The following LIN37 variants were observed in gnomAD, a reference collection of about 807,000 sequenced individuals.
LIN37 encodes lin-37 DREAM MuvB core complex component, also known as protein lin-37 homolog.
In LIN37, 21 loss-of-function variants were observed where a neutral mutation model predicts 38.0. The observed-to-expected ratio is 0.55, with a 90% confidence interval of 0.39 to 0.80. LIN37 has a LOEUF of 0.80. LIN37 is among the 30% of genes least tolerant of loss of function. LIN37 has a pLI of 0.00. For synonymous variants in LIN37, 126 were observed against 122.9 expected, an observed-to-expected ratio of 1.03 and a Z score of -0.17; for missense variants, 273 against 338.5, an observed-to-expected ratio of 0.81 and a Z score of 1.52.
chr19:35,753,474 C>T lies in LIN37; in HGVS notation c.444+221C>T. 3.1e-6 allele frequency: 2 copies of T among 640,112 alleles called. 1 individual carries two copies. Among genetic ancestry groups the T allele is most frequent in the Admixed American group, 4.6e-5 (2 of 43,204 alleles). 39.7% of individuals were successfully genotyped at this position (640,112 alleles called of 1,614,324 possible). A position where few individuals can be genotyped will look rare whatever the true frequency, so the allele number is the denominator to read the frequency against. ...ACCACCTGGCCTGGGAGACAGGGAA[C>T]AGGGTTACCCTGGACAGTTAGATGT... On this transcript the variant is annotated intron_variant, in intron 6 of 8. Coordinates refer to ENST00000301159, the MANE Select transcript of LIN37 (RefSeq NM_019104.3).
Position 35,748,757 on chromosome 19 carries a change from A to C in LIN37, c.33A>C (p.Ser11=). 2 of 1,613,874 alleles carry C rather than the reference A, an allele frequency of 1.2e-6. No individual in the cohort carries two copies. Among genetic ancestry groups the C allele is most frequent in the Non-Finnish European group, 1.7e-6 (2 of 1,179,790 alleles). The change falls in exon 1 of 9, where the codon TCA becomes TCC. Residue 11 remains serine, a splice_region_variant and synonymous_variant. Transcript: ENST00000301159. The stretch of plus-strand genomic sequence containing the variant: ...CTGTGAAGGTGAAAGTGGAGAAATC[A>C]GGTGAGGACCCTGACGTCGGGGGCC... MFPVKVKVEK[S]ELEMAKARNQ... is the part of the protein sequence containing the mutation.
At chr19:35,748,925 C>T in intron 1 of LIN37, 167 bp downstream of exon 1, 2 of 1,521,550 alleles carry the variant, frequency 1.3e-6, no homozygotes, top group Admixed American at 3.9e-5. Context: ...TCACACCCTC[C>T]CGGTGTGCGC....
chr19:35,752,594 A>T, intron 3 of LIN37, 110 bp downstream of exon 3: 1 of 1,304,654 alleles, frequency 7.7e-7, no homozygotes, highest in Non-Finnish European at 1.1e-6. Flanking sequence ...GGCCCGGACC[A>T]CTCCACCTGT....
chr19:35,753,567 T>G, intron 6 of LIN37: 1 of 525,780 alleles, frequency 1.9e-6, no homozygotes, highest in Non-Finnish European at 3.5e-6. Context: ...CAGACAGAAG[T>G]GGCCACCAGG....
chr19:35,749,109 T>C, intron 1 of LIN37: 1 of 581,682 alleles, frequency 1.7e-6, no homozygotes, highest in Non-Finnish European at 2.3e-6. Context: ...CCCAGGCTGG[T>C]CTCGAACTCC....
chr19:35,751,996 G>A (rs2146526310), intron 1 of LIN37, 180 bp from the exon 2 acceptor site: 1 of 571,356 alleles, frequency 1.8e-6, no homozygotes, highest in Middle Eastern at 4.7e-4. Context: ...GACAGCTCTG[G>A]AACTCAGAGC....
chr19:35,749,639 CAA>C (rs58819437), intron 1 of LIN37, among the ~76,000 whole-genome samples: 28 of 122,926 alleles, frequency 2.3e-4, no homozygotes, highest in Non-Finnish European at 2.3e-4. Flanking sequence ...ATAAAAAATA[CAA>C]AAAAAAAAAA....
Position 35,748,641 on chromosome 19 carries a change from T to C in LIN37, c.-84T>C. The C allele has an allele frequency of 6.3e-7, 1 of 1,589,858 alleles. No homozygotes were observed. The highest frequency in any genetic ancestry group is 8.6e-7 in the Non-Finnish European group (1 of 1,158,348). On this transcript the variant is annotated 5_prime_UTR_variant, in exon 1 of 9. Coordinates refer to ENST00000301159, the MANE Select transcript of LIN37 (RefSeq NM_019104.3). Reference sequence around the variant, plus strand: ...GCCCACGAAGCTCATCTTTGAACTGTCCCCGCCTTCTCCCGCCTTGACTTG... The same window carrying C: ...GCCCACGAAGCTCATCTTTGAACTGCCCCCGCCTTCTCCCGCCTTGACTTG...
Position 35,752,156 on chromosome 19 carries a change from T to C in LIN37, c.35-20T>C. On this transcript the variant is annotated intron_variant, in intron 1 of 8. Coordinates refer to ENST00000301159, the MANE Select transcript of LIN37 (RefSeq NM_019104.3). ...CTGGGGCCTGGGAGCTGACTCCTGC[T>C]GGGTCCTCTCTTGCCCCAGAGCTGG... 1 of 1,579,172 alleles carries C rather than the reference T, an allele frequency of 6.3e-7. No homozygotes were observed. The highest frequency in any genetic ancestry group is 8.6e-7 in the Non-Finnish European group (1 of 1,161,516).
Position 35,754,050 on chromosome 19 carries a change from G to A in LIN37, c.478G>A (p.Val160Met), listed in dbSNP as rs200329090. The A allele has an allele frequency of 7.5e-4, 1,216 of 1,613,848 alleles. No homozygotes were observed. The highest frequency in any genetic ancestry group is 9.9e-4 in the Non-Finnish European group (1,169 of 1,179,870). ...SEVTNSKSRD[V>M]YKLPPPTPPG... ...GGTAACCAACAGCAAGAGTCGTGATGTGTACAAGCTGCCGCCACCCACACC... is the reference window on the plus strand; with the variant it reads ...GGTAACCAACAGCAAGAGTCGTGATATGTACAAGCTGCCGCCACCCACACC... Residue 160 changes from valine to methionine, a missense_variant, in exon 7 of 9, where the codon GTG becomes ATG. Transcript: ENST00000301159.
In LIN37 at chr19:35,752,849, C is replaced by A; in HGVS notation, c.191+16C>A. The stretch of plus-strand genomic sequence containing the variant: ...CTGGCAAAAGGTAAGGTGGCAGGGT[C>A]CCAGCCAGCTGACTAGAGGCTCCCA... On this transcript the variant is annotated intron_variant, in intron 4 of 8. Coordinates refer to ENST00000301159, the MANE Select transcript of LIN37 (RefSeq NM_019104.3). 6.2e-7 allele frequency: 1 copy of A among 1,604,858 alleles called. No individual in the cohort carries two copies. Among genetic ancestry groups the A allele is most frequent in the South Asian group, 1.1e-5 (1 of 89,392 alleles).
chr19:35,752,137 C>T lies in LIN37; in HGVS notation c.35-39C>T, dbSNP rs1370179002. ...CAGTCAGCTGCCCACCTAGCTGGGG[C>T]CTGGGAGCTGACTCCTGCTGGGTCC... On this transcript the variant is annotated intron_variant, in intron 1 of 8. Coordinates refer to ENST00000301159, the MANE Select transcript of LIN37 (RefSeq NM_019104.3). 4.0e-6 allele frequency: 6 copies of T among 1,505,398 alleles called. No homozygotes were observed. The Admixed American group carries it at 7.7e-5, about 19-fold the overall frequency. The allele number at this position is 1,505,398 out of a possible 1,614,324, so 93.3% of individuals were successfully genotyped here. A position where few individuals can be genotyped will look rare whatever the true frequency, so the allele number is the denominator to read the frequency against.
chr19:35,750,702 C>T (rs1970669858), intron 1 of LIN37, among the ~76,000 whole-genome samples: 2 of 128 alleles, frequency 0.016, no homozygotes, highest in South Asian at 0.12. Flanking sequence ...GTGGCTTCTG[C>T]CTGTAATCCA....
At chr19:35,750,865 G>A (rs1226993288) in intron 1 of LIN37, among the ~76,000 whole-genome samples, 1 of 152,050 alleles carries the variant, frequency 6.6e-6, no homozygotes, top group African/African-American at 2.4e-5. Context: ...GGAGGCTGAG[G>A]CAGGAGAATC....
At position 35,748,717 on chromosome 19, in the gene LIN37, C is replaced by T; in HGVS notation, c.-8C>T. ...CTGACCCAGCTAGCCAGATCCCGGA[C>T]CCAAACCATGTTCCCTGTGAAGGTG... On this transcript the variant is annotated 5_prime_UTR_variant, in exon 1 of 9. Transcript: ENST00000301159. 6.2e-7 allele frequency: 1 copy of T among 1,613,910 alleles called. No homozygotes were observed. The highest frequency in any genetic ancestry group is 8.5e-7 in the Non-Finnish European group (1 of 1,179,820).
intron 2 of LIN37, 22 bp downstream of exon 2, chr19:35,752,273 G>A (rs1480708245): frequency 6.3e-7 from 1 of 1,598,574 alleles, no homozygotes; most frequent in South Asian, 1.1e-5. Context: ...TGGGGTCACA[G>A]GGCCGGGCAC....
chr19:35,750,599 C>T (rs1473510478), intron 1 of LIN37, among the ~76,000 whole-genome samples: 1 of 152,168 alleles, frequency 6.6e-6, no homozygotes, highest in African/African-American at 2.4e-5. Context: ...GCTAACTGGG[C>T]AGGAAGGTGG....
chr19:35,751,955 C>A, intron 1 of LIN37: 3 of 475,966 alleles, frequency 6.3e-6, no homozygotes, highest in Non-Finnish European at 1.1e-5. Context: ...AGGTGATTGG[C>A]CTTACCTCCT....
chr19:35,754,120 C>A lies in LIN37; in HGVS notation c.548C>A (p.Pro183Gln), dbSNP rs1970719964. ...GCCTGCAGATCCCGCATCCCATCTC[C>A]ACTGCAGCCTGAGATGCAGGGCACC... ...GDACRSRIPS[P>Q]LQPEMQGTPD... The change falls in exon 7 of 9, where the codon CCA (proline) becomes CAA (glutamine). Residue 183 changes from proline to glutamine, a missense_variant. Physicochemically the swap from Pro to Gln is moderately conservative, Grantham distance 76 (BLOSUM62 -1). Coordinates refer to ENST00000301159, the MANE Select transcript of LIN37 (RefSeq NM_019104.3). 1 of 1,613,912 alleles carries A rather than the reference C, an allele frequency of 6.2e-7. No individual in the cohort carries two copies. The highest frequency in any genetic ancestry group is 1.3e-5 in the African/African-American group (1 of 74,944).
Sources: allele counts gnomAD v4.1 joint callset (sites outside exome capture counted in the v4.1 genomes callset), GRCh38; gene constraint gnomAD v4.1.1; transcripts MANE v1.5; gene names NCBI Gene and HGNC (gene_info 2026-07-23, HGNC 2026-07-21).